AR: variants seen among roughly 807,000 people sequenced by gnomAD.
AR encodes the protein androgen receptor.
Under a neutral mutation model 53.9 loss-of-function variants are expected in AR, and 8 were observed. The observed-to-expected ratio is 0.15, with a 90% CI of 0.09 to 0.27. The LOEUF is 0.27. AR is among the 10% of genes least tolerant of loss of function. AR has a pLI of 1.00. For synonymous variants in AR, 359 were observed against 316.4 expected, an observed-to-expected ratio of 1.13 and a Z score of -1.43; for missense variants, 639 against 742.5, an observed-to-expected ratio of 0.86 and a Z score of 1.62.
intron 1 of AR, among the ~76,000 whole-genome samples, chrX:67,620,274 C>T (rs750964194): frequency 1.9e-5 from 2 of 107,560 alleles, no homozygotes; most frequent in East Asian, 5.9e-4. Context: ...TTTTTTTTTT[C>T]CCCAGGGTTT....
intron 2 of AR, among the ~76,000 whole-genome samples, chrX:67,658,787 G>C (rs1364294514): frequency 8.9e-6 from 1 of 112,060 alleles, no homozygotes. Context: ...AACCAGCAGA[G>C]GCAGGAAAAC....
chrX:67,726,104 G>T lies in AR; in HGVS notation c.*2263G>T, dbSNP rs1458367506. 3 of 174,091 alleles carry T rather than the reference G, an allele frequency of 1.7e-5. No homozygotes were observed. The highest frequency in any genetic ancestry group is 3.3e-5 in the Non-Finnish European group (3 of 91,451). The allele number at this position is 174,091 out of a possible 1,213,427, so 14.3% of individuals were successfully genotyped here. ...ACAAGGGTTTCCTTCCCTGATTTCTGCATTGATATTAATAGCCAAACGAAC... is the reference window on the plus strand; with the variant it reads ...ACAAGGGTTTCCTTCCCTGATTTCTTCATTGATATTAATAGCCAAACGAAC... On this transcript the variant is annotated 3_prime_UTR_variant, in exon 8 of 8. Coordinates refer to ENST00000374690, the MANE Select transcript of AR (RefSeq NM_000044.6).
At chrX:67,660,271 G>T (rs1198594996) in intron 2 of AR, among the ~76,000 whole-genome samples, 1 of 111,965 alleles carries the variant, frequency 8.9e-6, no homozygotes, top group Non-Finnish European at 1.9e-5. Flanking sequence ...TGGTGTTTTA[G>T]ACATGAAGTC....
chrX:67,669,923 G>A (rs779215807), intron 2 of AR, among the ~76,000 whole-genome samples: 51 of 107,228 alleles, frequency 4.8e-4, no homozygotes, highest in Non-Finnish European at 7.1e-4. Context: ...TTCAGGCAGC[G>A]TGTTTCTTTA....
chrX:67,625,511 A>C (rs1206080104), intron 1 of AR, among the ~76,000 whole-genome samples: 1 of 111,606 alleles, frequency 9.0e-6, no homozygotes, highest in Non-Finnish European at 1.9e-5. Context: ...ACCTTATTAC[A>C]AAGCAGTGGT....
intron 1 of AR, among the ~76,000 whole-genome samples, chrX:67,638,632 G>A (rs1437938835): frequency 2.7e-5 from 3 of 111,944 alleles, no homozygotes; most frequent in African/African-American, 9.7e-5. Flanking sequence ...TTTGAGAAGT[G>A]CCTGTTCATT....
chrX:67,723,023 G>A (rs2147538535), intron 7 of AR, 39 bp downstream of exon 7: 1 of 1,191,880 alleles, frequency 8.4e-7, no homozygotes, highest in Non-Finnish European at 1.1e-6. Context: ...AGGGAGAACA[G>A]CCTGATAGAG....
intron 2 of AR, among the ~76,000 whole-genome samples, chrX:67,683,397 T>TAA (rs200932471): frequency 2.9e-5 from 3 of 104,250 alleles, no homozygotes; most frequent in South Asian, 4.1e-4. Flanking sequence ...TCCTTTACAT[T>TAA]AAAAAAAAAA....
chrX:67,677,208 A>T (rs1200709588), intron 2 of AR, among the ~76,000 whole-genome samples: 1 of 111,803 alleles, frequency 8.9e-6, no homozygotes, highest in Non-Finnish European at 1.9e-5. Context: ...GATTCTTTTT[A>T]TTCCATACAG....
intron 1 of AR, among the ~76,000 whole-genome samples, chrX:67,554,884 C>T (rs921214367): frequency 2.1e-4 from 22 of 102,714 alleles, no homozygotes; most frequent in Non-Finnish European, 3.5e-4. Context: ...TGCAGTGAGC[C>T]GAGATCATGC....
rs766476632 is a variant in AR, at chrX:67,726,456, AG to A, written c.*2616del. The A allele has an allele frequency of 2.9e-5, 5 of 174,334 alleles. No homozygotes were observed. The South Asian group carries it at 1.6e-3, about 54-fold the overall frequency. The allele number at this position is 174,334 out of a possible 1,213,427, so 14.4% of individuals were successfully genotyped here. A position where few individuals can be genotyped will look rare whatever the true frequency, so the allele number is the denominator to read the frequency against. ...CATATCTCTCCTTGTAAATACTAGAAGCTCTCCTTTACATTTCTCTATCAAA... is the reference window on the plus strand; with the variant it reads ...CATATCTCTCCTTGTAAATACTAGAACTCTCCTTTACATTTCTCTATCAAA... On this transcript the variant is annotated 3_prime_UTR_variant, in exon 8 of 8. Coordinates refer to ENST00000374690, the MANE Select transcript of AR (RefSeq NM_000044.6).
At chrX:67,602,750 C>T (rs1433187652) in intron 1 of AR, among the ~76,000 whole-genome samples, 1 of 111,338 alleles carries the variant, frequency 9.0e-6, no homozygotes, top group Non-Finnish European at 1.9e-5. Flanking sequence ...CTGATTGACA[C>T]CTTGATTTTG....
At chrX:67,695,045 T>C (rs2076013603) in intron 3 of AR, 6 of 818,052 alleles carry the variant, frequency 7.3e-6, no homozygotes, top group Non-Finnish European at 7.3e-6. Context: ...CTTGATCACA[T>C]ATGATGGGGG....
chrX:67,679,044 C>CA (rs201150343), intron 2 of AR, among the ~76,000 whole-genome samples: 1 of 111,155 alleles, frequency 9.0e-6, no homozygotes, highest in African/African-American at 3.3e-5. Flanking sequence ...ATTCTAACCA[C>CA]AAAAAATTAT....
At chrX:67,699,391 C>T (rs1170404809) in intron 3 of AR, among the ~76,000 whole-genome samples, 1 of 112,184 alleles carries the variant, frequency 8.9e-6, no homozygotes, top group Non-Finnish European at 1.9e-5. Context: ...GGGCCATTCT[C>T]AGCTCTTGGA....
rs1370832027 is a variant in AR, at chrX:67,726,111, T to C, written c.*2270T>C. 9 of 174,205 alleles carry C rather than the reference T, an allele frequency of 5.2e-5. No homozygotes were observed. Among genetic ancestry groups the C allele is most frequent in the Non-Finnish European group, 8.7e-5 (8 of 91,489 alleles). The allele number at this position is 174,205 out of a possible 1,213,427, so 14.4% of individuals were successfully genotyped here. On this transcript the variant is annotated 3_prime_UTR_variant, in exon 8 of 8. Transcript: ENST00000374690. ...TTTCCTTCCCTGATTTCTGCATTGA[T>C]ATTAATAGCCAAACGAACTTCAAAA... is the stretch of plus-strand genomic sequence containing the variant.
intron 1 of AR, among the ~76,000 whole-genome samples, chrX:67,638,627 G>A (rs1162514399): frequency 1.1e-4 from 12 of 112,095 alleles, no homozygotes; most frequent in Middle Eastern, 4.2e-3. Flanking sequence ...CTTCTTTTGA[G>A]AAGTGCCTGT....
rs1213943835 is a variant in AR at position 67,551,001 on chromosome X, GT to G, written c.1616+4262del. 2.4e-3 allele frequency among the ~76,000 whole-genome samples: 181 copies of G among 76,579 alleles called. 1 individual carries two copies. The highest frequency in any genetic ancestry group is 7.9e-3 in the Middle Eastern group (1 of 126). The allele number at this position is 76,579 out of a possible 115,157, so 66.5% of individuals were successfully genotyped here. On this transcript the variant is annotated intron_variant, in intron 1 of 7. Transcript: ENST00000374690. ...AGGGGATTGCAAAATGAATAGCTGG[GT>G]TTTTTTTTTTTTTTTTTTTTTTACC...
intron 3 of AR, among the ~76,000 whole-genome samples, chrX:67,708,072 A>T (rs2076076609): frequency 9.0e-6 from 1 of 111,666 alleles, no homozygotes; most frequent in Non-Finnish European, 1.9e-5. Flanking sequence ...GCTGCCCTTA[A>T]CATTGTATCC....
Sources: gnomAD v4.1 joint callset for allele counts (sites outside exome capture counted in the v4.1 genomes callset) on GRCh38, gnomAD v4.1.1 for gene constraint, MANE v1.5 for transcripts, NCBI Gene and HGNC (gene_info 2026-07-23, HGNC 2026-07-21) for gene names.